The following CFB variants were observed in gnomAD, a reference collection of about 807,000 sequenced individuals.
CFB encodes the protein B-factor, properdin.
A neutral mutation model predicts 97.2 loss-of-function variants in CFB; 59 were observed. That is an observed-to-expected ratio of 0.61 (90% CI 0.49 to 0.75). The LOEUF (loss-of-function observed/expected upper bound fraction) is 0.75. Among genes scored for constraint, CFB ranks in the 30% least tolerant of loss-of-function variants. The pLI, the probability that CFB is intolerant of heterozygous loss-of-function variation, is 0.00. For synonymous variants in CFB, 316 were observed against 351.7 expected (o/e 0.90, Z 1.14); for missense variants, 771 against 959.8 (o/e 0.80, Z 2.60).
In CFB at chr6:31,950,707, AT is replaced by A. The variant is rs1304405440; in HGVS notation, c.1717del (p.Tyr573MetfsTer7). 3.7e-6 allele frequency: 6 copies of A among 1,612,978 alleles called. No individual in the cohort carries two copies. The highest frequency in any genetic ancestry group is 5.1e-6 in the Non-Finnish European group (6 of 1,180,050). On this transcript the variant is annotated frameshift_variant, in exon 13 of 18. Transcript: ENST00000425368. LOFTEE classifies it high-confidence loss of function. ...GGAAAAAAGAAGCAGGAATTCCTGAATTTTATGACTATGACGTTGCCCTGAT... is the reference window on the plus strand; with the variant it reads ...GGAAAAAAGAAGCAGGAATTCCTGAATTTATGACTATGACGTTGCCCTGAT... ...NGKKEAGIPEFYDYDVALIKL... is the reference protein window; with the variant it reads ...NGKKEAGIPEXYDYDVALIKL...
chr6:31,951,912 A>G lies in CFB; in HGVS notation c.2177A>G (p.Lys726Arg), dbSNP rs773880849. Residue 726 changes from lysine (K) to arginine (R), a missense_variant, in exon 18 of 18, where the codon AAA (lysine) becomes AGA (arginine). Coordinates refer to ENST00000425368, the MANE Select transcript of CFB (RefSeq NM_001710.6). This position sits in a 1 kb window ranked among gnomAD's most constrained non-coding sequence, Gnocchi z 4.3. ...AGCTGGGGAGTAGTGGATGTCTGCA[A>G]AAACCAGAAGCGGCAAAAGCAGGTA... ...VISWGVVDVCKNQKRQKQVPA... is the reference protein window; with the variant it reads ...VISWGVVDVCRNQKRQKQVPA... 1 of 1,613,132 alleles carries G rather than the reference A, an allele frequency of 6.2e-7. No individual in the cohort carries two copies. The highest frequency in any genetic ancestry group is 1.1e-5 in the South Asian group (1 of 91,084).
At position 31,948,971 on chromosome 6, in the gene CFB, G is replaced by T; in HGVS notation, c.1168+10G>T. 1 of 1,612,852 alleles carries T rather than the reference G, an allele frequency of 6.2e-7. No individual in the cohort carries two copies. Among genetic ancestry groups the T allele is most frequent in the Non-Finnish European group, 8.5e-7 (1 of 1,180,016 alleles). On this transcript the variant is annotated intron_variant, in intron 8 of 17. Transcript: ENST00000425368. ...ATCCTCATGACTGATGGTCAGAAGG[G>T]ACCTCTCTCCTGTCCCAGCCTCCCC...
Position 31,951,728 on chromosome 6 carries a change from A to G in CFB, c.2139+124A>G. 2 of 1,561,854 alleles carry G rather than the reference A, an allele frequency of 1.3e-6. No homozygotes were observed. The highest frequency in any genetic ancestry group is 8.8e-7 in the Non-Finnish European group (1 of 1,133,104). The stretch of plus-strand genomic sequence containing the variant: ...AGAGCCTGCCTCACCTTAGGACCGC[A>G]TGTCTTGCCTGCGTGTGTCAAGAAC... On this transcript the variant is annotated intron_variant, in intron 17 of 17. Transcript: ENST00000425368. The surrounding 1 kb of genome is among the most constrained non-coding windows in gnomAD (Gnocchi z 4.3).
rs568086128 is a variant in CFB at position 31,946,753 on chromosome 6, C to T, written c.298+147C>T. 1.2e-6 allele frequency: 1 copy of T among 852,400 alleles called. No homozygotes were observed. Among genetic ancestry groups the T allele is most frequent in the Non-Finnish European group, 1.9e-6 (1 of 524,268 alleles). The allele number at this position is 852,400 out of a possible 1,614,324, so 52.8% of individuals were successfully genotyped here. A position where few individuals can be genotyped will look rare whatever the true frequency, so the allele number is the denominator to read the frequency against. Reference sequence around the variant, plus strand: ...TTTAGGGTGGCAGGCGGAAAGGGGGCAAGAAAAAGCGGAGTTAACCCTTAC... The same window carrying T: ...TTTAGGGTGGCAGGCGGAAAGGGGGTAAGAAAAAGCGGAGTTAACCCTTAC... On this transcript the variant is annotated intron_variant, in intron 2 of 17. Transcript: ENST00000425368. This position sits in a 1 kb window ranked among gnomAD's most constrained non-coding sequence, Gnocchi z 6.4.
Position 31,948,069 on chromosome 6 carries a change from C to G in CFB, c.885C>G (p.Asn295Lys). 6.2e-7 allele frequency: 1 copy of G among 1,614,156 alleles called. No individual in the cohort carries two copies. Among genetic ancestry groups the G allele is most frequent in the African/African-American group, 1.3e-5 (1 of 75,038 alleles). The change falls in exon 6 of 18, where the codon AAC (asparagine) becomes AAG (lysine). Residue 295 changes from asparagine to lysine, a missense_variant. Asn to Lys is a moderately conservative substitution (Grantham distance 94). Transcript: ENST00000425368. ...CAGGAGCCAAAAAGTGTCTAGTCAACTTAATTGAGAAGGTGGAATCCTCCT... is the reference window on the plus strand; with the variant it reads ...CAGGAGCCAAAAAGTGTCTAGTCAAGTTAATTGAGAAGGTGGAATCCTCCT... ...NFTGAKKCLV[N>K]LIEKVASYGV...
chr6:31,950,872 A>G lies in CFB; in HGVS notation c.1783A>G (p.Ile595Val). The G allele has an allele frequency of 2.5e-6, 4 of 1,612,974 alleles. No individual in the cohort carries two copies. Among genetic ancestry groups the G allele is most frequent in the Non-Finnish European group, 3.4e-6 (4 of 1,180,012 alleles). Reference protein sequence around the residue: ...KLKYGQTIRPICLPCTEGTTR... With the variant: ...KLKYGQTIRPVCLPCTEGTTR... Reference sequence around the variant, plus strand: ...TGTTCTCCTTGTCCTTTATAGGCCCATTTGTCTCCCCTGCACCGAGGGAAC... The same window carrying G: ...TGTTCTCCTTGTCCTTTATAGGCCCGTTTGTCTCCCCTGCACCGAGGGAAC... Residue 595 changes from isoleucine to valine, a missense_variant, in exon 14 of 18, where the codon ATT (isoleucine) becomes GTT (valine). By Grantham distance (29) the Ile-to-Val change is conservative (BLOSUM62 3). Coordinates refer to ENST00000425368, the MANE Select transcript of CFB (RefSeq NM_001710.6).
rs760843055 is a variant in CFB at position 31,948,007 on chromosome 6, C to G, written c.823C>G (p.Leu275Val). The change falls in exon 6 of 18, where the codon CTA becomes GTA. Residue 275 changes from leucine (L) to valine (V), a missense_variant. Leu to Val is a conservative substitution (Grantham distance 32, BLOSUM62 1). Transcript: ENST00000425368. ...PSGSMNIYLV[L>V]DGSDSIGASN... ...AGGCTCCATGAACATCTACCTGGTG[C>G]TAGATGGATCAGACAGCATTGGGGC... 7 of 1,614,032 alleles carry G rather than the reference C, an allele frequency of 4.3e-6. No individual in the cohort carries two copies. Among genetic ancestry groups the G allele is most frequent in the Non-Finnish European group, 5.1e-6 (6 of 1,180,028 alleles).
chr6:31,948,365 C>T lies in CFB; in HGVS notation c.898-9C>T. The T allele has an allele frequency of 6.2e-7, 1 of 1,614,234 alleles. No homozygotes were observed. Among genetic ancestry groups the T allele is most frequent in the Non-Finnish European group, 8.5e-7 (1 of 1,180,040 alleles). ...CAATGCCATGGCGCCTTGTTCTCCT[C>T]ACCCACAGGTGGCAAGTTATGGTGT... is the stretch of plus-strand genomic sequence containing the variant. On this transcript the variant is annotated splice_polypyrimidine_tract_variant and intron_variant, in intron 6 of 17. Transcript: ENST00000425368.
chr6:31,951,404 G>A lies in CFB; in HGVS notation c.2020G>A (p.Glu674Lys), dbSNP rs1661819402. The change falls in exon 16 of 18, where the codon GAG (glutamate) becomes AAG (lysine). Residue 674 changes from glutamate (E) to lysine (K), a missense_variant. Transcript: ENST00000425368. The surrounding 1 kb of genome is among the most constrained non-coding windows in gnomAD (Gnocchi z 4.3). ...PGYDKVKDIS[E>K]VVTPRFLCTG... Reference sequence around the variant, plus strand: ...CTATGACAAAGTCAAGGACATCTCAGAGGTGGTCACCCCTCGGTTCCTTTG... The same window carrying A: ...CTATGACAAAGTCAAGGACATCTCAAAGGTGGTCACCCCTCGGTTCCTTTG... 1 of 1,614,092 alleles carries A rather than the reference G, an allele frequency of 6.2e-7. No homozygotes were observed. Among genetic ancestry groups the A allele is most frequent in the Non-Finnish European group, 8.5e-7 (1 of 1,180,046 alleles).
At position 31,948,928 on chromosome 6, in the gene CFB, C is replaced by A. The variant is rs781563498; in HGVS notation, c.1135C>A (p.Arg379Ser). The change falls in exon 8 of 18, where the codon CGC (arginine) becomes AGC (serine). Residue 379 changes from arginine to serine, a missense_variant. Coordinates refer to ENST00000425368, the MANE Select transcript of CFB (RefSeq NM_001710.6). ...PDDVPPEGWNRTRHVIILMTD... is the reference protein window; with the variant it reads ...PDDVPPEGWNSTRHVIILMTD... ...TGACGTCCCTCCTGAAGGCTGGAAC[C>A]GCACCCGCCATGTCATCATCCTCAT... is the stretch of plus-strand genomic sequence containing the variant. The A allele has an allele frequency of 3.1e-6, 5 of 1,612,600 alleles. No homozygotes were observed. In the African/African-American group the frequency reaches 6.7e-5, roughly 22 times the overall value.
In CFB at chr6:31,947,889, T is replaced by C. The variant is rs1423119689; in HGVS notation, c.760+46T>C. ...GGCAGGGCAGGGAACTGGGGGAAAATGGAGAAGGGACAGAACTGTTAATGC... is the reference window on the plus strand; with the variant it reads ...GGCAGGGCAGGGAACTGGGGGAAAACGGAGAAGGGACAGAACTGTTAATGC... On this transcript the variant is annotated intron_variant, in intron 5 of 17. Coordinates refer to ENST00000425368, the MANE Select transcript of CFB (RefSeq NM_001710.6). The surrounding 1 kb of genome is among the most constrained non-coding windows in gnomAD (Gnocchi z 5.3). The C allele has an allele frequency of 1.2e-6, 2 of 1,613,898 alleles. No homozygotes were observed. The highest frequency in any genetic ancestry group is 1.7e-6 in the Non-Finnish European group (2 of 1,179,988).
At position 31,951,564 on chromosome 6, in the gene CFB, G is replaced by A; in HGVS notation, c.2099G>A (p.Gly700Asp). 1.9e-6 allele frequency: 3 copies of A among 1,614,128 alleles called. No homozygotes were observed. Among genetic ancestry groups the A allele is most frequent in the Non-Finnish European group, 2.5e-6 (3 of 1,180,030 alleles). The change falls in exon 17 of 18, where the codon GGC (glycine) becomes GAC (aspartate). Residue 700 changes from glycine to aspartate, a missense_variant. Coordinates refer to ENST00000425368, the MANE Select transcript of CFB (RefSeq NM_001710.6). This position sits in a 1 kb window ranked among gnomAD's most constrained non-coding sequence, Gnocchi z 4.3. ...ADPNTCRGDSGGPLIVHKRSR... is the reference protein window; with the variant it reads ...ADPNTCRGDSDGPLIVHKRSR... ...TCTCCTCTCCTTGCAGGTGATTCTG[G>A]CGGCCCCTTGATAGTTCACAAGAGA...
chr6:31,949,446 T>G lies in CFB; in HGVS notation c.1297T>G (p.Leu433Val). 6.2e-7 allele frequency: 1 copy of G among 1,614,202 alleles called. No individual in the cohort carries two copies. Among genetic ancestry groups the G allele is most frequent in the Non-Finnish European group, 8.5e-7 (1 of 1,180,042 alleles). ...TGTCTATGTGTTTGGGGTCGGGCCT[T>G]TGGTGAACCAAGTGAACATCAATGC... ...LDVYVFGVGP[L>V]VNQVNINALA... The change falls in exon 10 of 18, where the codon TTG (leucine) becomes GTG (valine). Residue 433 changes from leucine to valine, a missense_variant. By Grantham distance (32) the Leu-to-Val change is conservative. Transcript: ENST00000425368.
In CFB at chr6:31,947,327, C is replaced by G; in HGVS notation, c.485-21C>G. 1 of 1,612,846 alleles carries G rather than the reference C, an allele frequency of 6.2e-7. No individual in the cohort carries two copies. ...GGGCCTCAGGCTTCAGTGCTTACCT[C>G]GATGTCTCATACCTCTGCAGCGGGG... On this transcript the variant is annotated intron_variant, in intron 3 of 17. Coordinates refer to ENST00000425368, the MANE Select transcript of CFB (RefSeq NM_001710.6). The surrounding 1 kb of genome is among the most constrained non-coding windows in gnomAD (Gnocchi z 5.3).
Position 31,951,091 on chromosome 6 carries a change from T to C in CFB, c.1856-53T>C. On this transcript the variant is annotated intron_variant, in intron 14 of 17. Transcript: ENST00000425368. This position sits in a 1 kb window ranked among gnomAD's most constrained non-coding sequence, Gnocchi z 4.3. ...GACATCTACTGAGTGACAAAGGCAA[T>C]GGGGAGATGACAGTGGTGGGAGCAG... is the stretch of plus-strand genomic sequence containing the variant. The C allele has an allele frequency of 1.3e-6, 2 of 1,594,620 alleles. No homozygotes were observed. Among genetic ancestry groups the C allele is most frequent in the Non-Finnish European group, 1.7e-6 (2 of 1,164,054 alleles).
Position 31,947,265 on chromosome 6 carries a change from C to G in CFB, c.484+73C>G, listed in dbSNP as rs1771490568. ...CAGCCCGAGGAGTGGGCACTCGGCT[C>G]CGGACACTGTAACTCTTGCTCTCTA... On this transcript the variant is annotated intron_variant, in intron 3 of 17. Coordinates refer to ENST00000425368, the MANE Select transcript of CFB (RefSeq NM_001710.6). This position sits in a 1 kb window ranked among gnomAD's most constrained non-coding sequence, Gnocchi z 5.3. 28 of 1,610,916 alleles carry G rather than the reference C, an allele frequency of 1.7e-5. No homozygotes were observed. The highest frequency in any genetic ancestry group is 2.4e-5 in the Non-Finnish European group (28 of 1,179,414).
Position 31,951,873 on chromosome 6 carries a change from A to C in CFB, c.2140-2A>C, listed in dbSNP as rs1387400632. On this transcript the variant is annotated splice_acceptor_variant, in intron 17 of 17. Coordinates refer to ENST00000425368, the MANE Select transcript of CFB (RefSeq NM_001710.6). LOFTEE classifies it high-confidence loss of function. This position sits in a 1 kb window ranked among gnomAD's most constrained non-coding sequence, Gnocchi z 4.3. ...ATCCATGGCACCCCACTGCCTCTGC[A>C]GGTTGGTGTAATCAGCTGGGGAGTA... 6.2e-7 allele frequency: 1 copy of C among 1,613,114 alleles called. No individual in the cohort carries two copies. Among genetic ancestry groups the C allele is most frequent in the Non-Finnish European group, 8.5e-7 (1 of 1,180,032 alleles).
In CFB at chr6:31,946,675, T is replaced by A. The variant is rs1771443983; in HGVS notation, c.298+69T>A. 1 of 1,411,492 alleles carries A rather than the reference T, an allele frequency of 7.1e-7. No homozygotes were observed. The highest frequency in any genetic ancestry group is 9.8e-7 in the Non-Finnish European group (1 of 1,021,082). 87.4% of individuals were successfully genotyped at this position (1,411,492 alleles called of 1,614,324 possible). On this transcript the variant is annotated intron_variant, in intron 2 of 17. Coordinates refer to ENST00000425368, the MANE Select transcript of CFB (RefSeq NM_001710.6). This position sits in a 1 kb window ranked among gnomAD's most constrained non-coding sequence, Gnocchi z 6.4. ...GGGCAGGCGGCAGCAAGGTCAGGACTAGGATGAGACTAGGCAGGGTGACAA... is the reference window on the plus strand; with the variant it reads ...GGGCAGGCGGCAGCAAGGTCAGGACAAGGATGAGACTAGGCAGGGTGACAA...
intron 7 of CFB, 69 bp downstream of exon 7, chr6:31,948,581 G>T: frequency 6.2e-7 from 1 of 1,606,206 alleles, no homozygotes; most frequent in South Asian, 1.1e-5. Context: ...GGGGTCATGA[G>T]ACTACCTTGA....
Sources: allele counts gnomAD v4.1 joint callset, GRCh38; gene constraint gnomAD v4.1.1; non-coding constraint Gnocchi (gnomAD v3.1); transcripts MANE v1.5; gene names NCBI Gene and HGNC (gene_info 2026-07-23, HGNC 2026-07-21).